PDSS2: variants seen among roughly 807,000 people sequenced by gnomAD.
PDSS2 encodes decaprenyl diphosphate synthase subunit 2, also known as all trans-polyprenyl-diphosphate synthase PDSS2.
A neutral mutation model predicts 44.5 loss-of-function variants in PDSS2; 31 were observed. The observed-to-expected ratio is 0.70, with a 90% CI of 0.52 to 0.94. PDSS2 has a LOEUF of 0.94. Among genes scored for constraint, PDSS2 ranks in the 40% least tolerant of loss-of-function variants. PDSS2 has a pLI of 0.00. For missense variants in PDSS2, 452 were observed against 482.2 expected (o/e 0.94, Z 0.59); for synonymous variants, 157 against 180.3 (o/e 0.87, Z 1.03).
At position 107,154,559 on chromosome 6, in the gene PDSS2, A is replaced by C. The variant is rs2115076092; in HGVS notation, c.*60T>G. The C allele has an allele frequency of 4.6e-6, 7 of 1,536,048 alleles. 1 individual carries two copies. In the South Asian group the frequency reaches 7.8e-5, roughly 17 times the overall value. The stretch of plus-strand genomic sequence containing the variant: ...ATTAACGCATCGTGAAAGCGCTCCC[A>C]ATCAACCTCATTCCCTAGGATTTTC... On this transcript the variant is annotated 3_prime_UTR_variant, in exon 8 of 8. Transcript: ENST00000369037.
At chr6:107,250,183 C>G (rs534323499) in intron 3 of PDSS2, among the ~76,000 whole-genome samples, 5 of 151,012 alleles carry the variant, frequency 3.3e-5, no homozygotes, top group Non-Finnish European at 4.4e-5. Context: ...AATACTGACC[C>G]CCCCCCGCAA....
chr6:107,449,112 C>G (rs1213488830), intron 1 of PDSS2, among the ~76,000 whole-genome samples: 1 of 152,220 alleles, frequency 6.6e-6, no homozygotes, highest in Non-Finnish European at 1.5e-5. Context: ...AGACTCCCAA[C>G]TGTTCTACCA....
intron 1 of PDSS2, among the ~76,000 whole-genome samples, chr6:107,410,255 G>A (rs1311031289): frequency 3.3e-5 from 5 of 152,076 alleles, no homozygotes; most frequent in East Asian, 1.9e-4. Context: ...TTGAAAGAAC[G>A]TAAAAGAAGA....
chr6:107,376,347 T>C (rs1377222786), intron 1 of PDSS2, among the ~76,000 whole-genome samples: 1 of 152,022 alleles, frequency 6.6e-6, no homozygotes, highest in Non-Finnish European at 1.5e-5. Flanking sequence ...ATAAATTACC[T>C]TGGGCAGTAT....
At chr6:107,283,945 C>T (rs1776055204) in intron 2 of PDSS2, among the ~76,000 whole-genome samples, 1 of 150,206 alleles carries the variant, frequency 6.7e-6, no homozygotes, top group Non-Finnish European at 1.5e-5. Flanking sequence ...AGAATAGCTT[C>T]AATCCAGGAG....
intron 1 of PDSS2, among the ~76,000 whole-genome samples, chr6:107,391,195 C>T (rs1456612487): frequency 6.6e-6 from 1 of 151,996 alleles, no homozygotes; most frequent in Non-Finnish European, 1.5e-5. Context: ...AAAGAAACCC[C>T]ATCTAACTCT....
chr6:107,238,082 C>A (rs1774289998), intron 4 of PDSS2, among the ~76,000 whole-genome samples: 1 of 151,586 alleles, frequency 6.6e-6, no homozygotes, highest in Non-Finnish European at 1.5e-5. Context: ...AAAACCAGTT[C>A]TTTCCCAAGA....
intron 1 of PDSS2, among the ~76,000 whole-genome samples, chr6:107,423,348 A>G (rs1454101321): frequency 6.6e-6 from 1 of 152,182 alleles, no homozygotes; most frequent in African/African-American, 2.4e-5. Context: ...GATCTTGGGA[A>G]AAAAAGAATT....
At chr6:107,248,489 T>G (rs1486629714) in intron 3 of PDSS2, among the ~76,000 whole-genome samples, 1 of 146,058 alleles carries the variant, frequency 6.8e-6, no homozygotes, top group East Asian at 2.0e-4. Flanking sequence ...GAGTTACCCT[T>G]GGAAGCTCAA....
intron 2 of PDSS2, among the ~76,000 whole-genome samples, chr6:107,329,689 A>G (rs1777652912): frequency 6.6e-6 from 1 of 152,232 alleles, no homozygotes; most frequent in Admixed American, 6.5e-5. Context: ...TTGGGAGGGT[A>G]AAATTCAATC....
chr6:107,214,063 T>C (rs1773323567), intron 4 of PDSS2, among the ~76,000 whole-genome samples: 1 of 152,102 alleles, frequency 6.6e-6, no homozygotes, highest in Non-Finnish European at 1.5e-5. Flanking sequence ...AAATATCATT[T>C]TAAACATATA....
intron 2 of PDSS2, among the ~76,000 whole-genome samples, chr6:107,280,682 CAACAAACAAACA>C (rs966572359): frequency 6.6e-6 from 1 of 151,968 alleles, no homozygotes; most frequent in Non-Finnish European, 1.5e-5. Flanking sequence ...GACCCTGTCT[CAACAAACAAACA>C]AACAAACAAA....
At chr6:107,314,815 A>G (rs1050700465) in intron 2 of PDSS2, among the ~76,000 whole-genome samples, 1 of 152,242 alleles carries the variant, frequency 6.6e-6, no homozygotes, top group Non-Finnish European at 1.5e-5. Context: ...CAGAACCATT[A>G]TCTAACACAG....
intron 2 of PDSS2, among the ~76,000 whole-genome samples, chr6:107,305,949 G>T (rs1776845685): frequency 6.6e-6 from 1 of 152,092 alleles, no homozygotes; most frequent in Non-Finnish European, 1.5e-5. Context: ...GAAGAATATT[G>T]AGGATACCCA....
At chr6:107,246,900 C>T (rs1174423861) in intron 3 of PDSS2, among the ~76,000 whole-genome samples, 2 of 151,752 alleles carry the variant, frequency 1.3e-5, no homozygotes, top group Admixed American at 1.3e-4. Context: ...TTCAGGTAAC[C>T]AAATACTTAA....
At chr6:107,212,898 G>A (rs1773274911) in intron 4 of PDSS2, among the ~76,000 whole-genome samples, 1 of 151,730 alleles carries the variant, frequency 6.6e-6, no homozygotes, top group Non-Finnish European at 1.5e-5. Flanking sequence ...TGACTACTCA[G>A]GAGGCTGAGG....
chr6:107,385,853 A>G (rs1779596342), intron 1 of PDSS2, among the ~76,000 whole-genome samples: 1 of 152,192 alleles, frequency 6.6e-6, no homozygotes, highest in South Asian at 2.1e-4. Context: ...GAGCAAAAAT[A>G]CATGGCCTAA....
rs377597542 is a variant in PDSS2, at chr6:107,459,263, A to C, written c.23T>G (p.Leu8Trp). The C allele has an allele frequency of 6.2e-7, 1 of 1,614,134 alleles. No homozygotes were observed. Among genetic ancestry groups the C allele is most frequent in the African/African-American group, 1.3e-5 (1 of 75,074 alleles). Residue 8 changes from leucine to tryptophan, a missense_variant, in exon 1 of 8, where the codon TTG becomes TGG. Physicochemically the swap from Leu to Trp is moderately conservative, Grantham distance 61. Coordinates refer to ENST00000369037, the MANE Select transcript of PDSS2 (RefSeq NM_020381.4). The surrounding 1 kb of genome is among the most constrained non-coding windows in gnomAD (Gnocchi z 4.3). The stretch of plus-strand genomic sequence containing the variant: ...GGCTCCAAGATAACGTGGCAAGTGC[A>C]ACAGCAGCTGCCGAAAGTTCATGGT... MNFRQLL[L>W]HLPRYLGASG...
chr6:107,406,817 T>G (rs1246521173), intron 1 of PDSS2, among the ~76,000 whole-genome samples: 2 of 152,164 alleles, frequency 1.3e-5, no homozygotes, highest in African/African-American at 2.4e-5. Context: ...GTTAAGCAGG[T>G]GAAGTGGGTA....
Sources: gnomAD v4.1 joint callset for allele counts (sites outside exome capture counted in the v4.1 genomes callset) on GRCh38, gnomAD v4.1.1 for gene constraint, Gnocchi (gnomAD v3.1) non-coding constraint, MANE v1.5 for transcripts, NCBI Gene and HGNC (gene_info 2026-07-23, HGNC 2026-07-21) for gene names.